FNDC7: variants seen among roughly 807,000 people sequenced by gnomAD.
FNDC7 encodes the protein fibronectin type III domain containing 7.
Under a neutral mutation model 74.2 loss-of-function variants are expected in FNDC7, and 66 were observed. The observed-to-expected ratio is 0.89, with a 90% CI of 0.73 to 1.09. FNDC7 has a LOEUF of 1.09. FNDC7 is among the 50% of genes least tolerant of loss of function. The pLI, the probability that FNDC7 is intolerant of heterozygous loss-of-function variation, is 0.00. For missense variants in FNDC7, 829 were observed against 893.4 expected, an observed-to-expected ratio of 0.93 and a Z score of 0.92; for synonymous variants, 307 against 330.2, an observed-to-expected ratio of 0.93 and a Z score of 0.76.
At chr1:108,731,345 A>G (rs1450966688) in intron 9 of FNDC7, among the ~76,000 whole-genome samples, 1 of 152,156 alleles carries the variant, frequency 6.6e-6, no homozygotes, top group African/African-American at 2.4e-5. Flanking sequence ...ATGGTTTCTT[A>G]TTTCAACAGG....
chr1:108,724,381 A>G (rs960947998), intron 5 of FNDC7, among the ~76,000 whole-genome samples: 2 of 151,920 alleles, frequency 1.3e-5, no homozygotes, highest in African/African-American at 4.8e-5. Flanking sequence ...TCTTAACTCT[A>G]TGCTTAAGAT....
At chr1:108,723,182 A>C (rs1398039426) in intron 5 of FNDC7, among the ~76,000 whole-genome samples, 1 of 152,212 alleles carries the variant, frequency 6.6e-6, no homozygotes, top group Non-Finnish European at 1.5e-5. Context: ...TGGCACTATA[A>C]GTATGTTATT....
At chr1:108,720,060 C>A (rs780445006) in intron 4 of FNDC7, among the ~76,000 whole-genome samples, 9 of 152,192 alleles carry the variant, frequency 5.9e-5, no homozygotes, top group Middle Eastern at 6.8e-3. Flanking sequence ...CATAGCCCTG[C>A]GGTGATTCAT....
intron 8 of FNDC7, among the ~76,000 whole-genome samples, chr1:108,729,955 A>G (rs1214645103): frequency 6.6e-6 from 1 of 152,264 alleles, no homozygotes; most frequent in Non-Finnish European, 1.5e-5. Flanking sequence ...CAGCTAAGAA[A>G]TCAAGCTTTT....
Position 108,717,716 on chromosome 1 carries a change from G to A in FNDC7, c.83-61G>A. ...AATGATTTAGCTTGAAGAGTAAAAT[G>A]ATGAAAGAAGTCATCCTCGTAGGTA... On this transcript the variant is annotated intron_variant, in intron 2 of 12. Transcript: ENST00000370017. 8.0e-6 allele frequency: 12 copies of A among 1,503,470 alleles called. No homozygotes were observed. The South Asian group carries it at 1.2e-4, about 15-fold the overall frequency. 93.1% of individuals were successfully genotyped at this position (1,503,470 alleles called of 1,614,324 possible).
intron 10 of FNDC7, among the ~76,000 whole-genome samples, chr1:108,735,259 C>G (rs1449136076): frequency 3.3e-5 from 5 of 152,220 alleles, no homozygotes; most frequent in African/African-American, 9.6e-5. Flanking sequence ...TGCTATGCCT[C>G]AGGCCCTCAC....
chr1:108,713,446 T>A lies in FNDC7; in HGVS notation c.64-65T>A, dbSNP rs373568405. 1.2e-5 allele frequency: 16 copies of A among 1,347,526 alleles called. No individual in the cohort carries two copies. In the African/African-American group the frequency reaches 1.9e-4, roughly 16 times the overall value. 83.5% of individuals were successfully genotyped at this position (1,347,526 alleles called of 1,614,324 possible). A position where few individuals can be genotyped will look rare whatever the true frequency, so the allele number is the denominator to read the frequency against. On this transcript the variant is annotated intron_variant, in intron 1 of 12. Coordinates refer to ENST00000370017, the MANE Select transcript of FNDC7 (RefSeq NM_001144937.3). Reference sequence around the variant, plus strand: ...ATTAATTTATTACCGCTTTTATTCATGTTTTACGTTTGTTCAAGTTGTGTT... The same window carrying A: ...ATTAATTTATTACCGCTTTTATTCAAGTTTTACGTTTGTTCAAGTTGTGTT...
intron 6 of FNDC7, among the ~76,000 whole-genome samples, chr1:108,727,374 G>A (rs1661242688): frequency 6.6e-6 from 1 of 152,014 alleles, no homozygotes; most frequent in African/African-American, 2.4e-5. Context: ...TTATATAACT[G>A]TGAGCCCTAC....
At chr1:108,736,712 A>G (rs1454400493) in intron 10 of FNDC7, among the ~76,000 whole-genome samples, 1 of 152,154 alleles carries the variant, frequency 6.6e-6, no homozygotes, top group Non-Finnish European at 1.5e-5. Flanking sequence ...TCAGCTTAGT[A>G]ACATTAGGTA....
intron 1 of FNDC7, 91 bp downstream of exon 1, chr1:108,713,087 GA>G (rs1369636931): frequency 3.5e-6 from 4 of 1,145,968 alleles, no homozygotes. Context: ...AGGAGTTGGG[GA>G]ATAGGGAGAT....
intron 10 of FNDC7, among the ~76,000 whole-genome samples, chr1:108,736,600 C>T (rs986536723): frequency 2.0e-5 from 3 of 152,142 alleles, no homozygotes; most frequent in Non-Finnish European, 2.9e-5. Context: ...ACAATTTCAC[C>T]CTTAGAGAGT....
intron 2 of FNDC7, among the ~76,000 whole-genome samples, chr1:108,714,605 ATT>A (rs71098692): frequency 2.0e-5 from 2 of 102,166 alleles, no homozygotes; most frequent in African/African-American, 7.2e-5. Context: ...ACAAAGTGGC[ATT>A]TTTTTTTTTT....
chr1:108,712,951 G>T lies in FNDC7; in HGVS notation c.18G>T (p.Glu6Asp), dbSNP rs749049367. 32 of 1,551,666 alleles carry T rather than the reference G, an allele frequency of 2.1e-5. No homozygotes were observed. The highest frequency in any genetic ancestry group is 2.7e-5 in the Non-Finnish European group (31 of 1,146,990). ...CCAACAGGATGGCTGGTGGACGAGAGACATGTTTGCCTTTGATTGGATTCA... is the reference window on the plus strand; with the variant it reads ...CCAACAGGATGGCTGGTGGACGAGATACATGTTTGCCTTTGATTGGATTCA... MAGGR[E>D]TCLPLIGFIL... is the part of the protein sequence containing the mutation. The change falls in exon 1 of 13, where the codon GAG becomes GAT. Residue 6 changes from glutamate to aspartate, a missense_variant. By Grantham distance (45) the Glu-to-Asp change is conservative. Transcript: ENST00000370017.
chr1:108,719,978 G>C (rs969076309), intron 4 of FNDC7, among the ~76,000 whole-genome samples: 1 of 152,262 alleles, frequency 6.6e-6, no homozygotes, highest in East Asian at 1.9e-4. Context: ...CATAGTGTAT[G>C]GGCCAAGGCA....
chr1:108,733,166 A>T, intron 9 of FNDC7, 106 bp from the exon 10 acceptor site: 1 of 1,359,656 alleles, frequency 7.4e-7, no homozygotes, highest in Non-Finnish European at 1.0e-6. Flanking sequence ...TAATCCTGTT[A>T]CTTAGACTAG....
rs1366708285 is a variant in FNDC7, at chr1:108,722,419, C to T, written c.683C>T (p.Ala228Val). 2.5e-6 allele frequency: 4 copies of T among 1,614,192 alleles called. No individual in the cohort carries two copies. Among genetic ancestry groups the T allele is most frequent in the Admixed American group, 1.7e-5 (1 of 60,026 alleles). ...TTTTCCTGGGCACGGGCAGAAGGAGCTTTCAATTATACTGTGATGGCTTTG... is the reference window on the plus strand; with the variant it reads ...TTTTCCTGGGCACGGGCAGAAGGAGTTTTCAATTATACTGTGATGGCTTTG... Reference protein sequence around the residue: ...ASFSWARAEGAFNYTVMALSD... With the variant: ...ASFSWARAEGVFNYTVMALSD... Residue 228 changes from alanine (A) to valine (V), a missense_variant, in exon 5 of 13, where the codon GCT (alanine) becomes GTT (valine). Coordinates refer to ENST00000370017, the MANE Select transcript of FNDC7 (RefSeq NM_001144937.3).
At chr1:108,737,390 G>A (rs776557177) in intron 10 of FNDC7, 105 bp from the exon 11 acceptor site, 11 of 1,034,890 alleles carry the variant, frequency 1.1e-5, no homozygotes, top group East Asian at 5.7e-5. Context: ...GTTCTTGTTC[G>A]TTTTTTGGTT....
chr1:108,721,021 C>G (rs562603301), intron 4 of FNDC7, among the ~76,000 whole-genome samples: 12 of 152,310 alleles, frequency 7.9e-5, no homozygotes, highest in African/African-American at 2.6e-4. Flanking sequence ...TGCAGGCTAC[C>G]CCTACCAGCC....
chr1:108,733,119 G>C (rs919259326), intron 9 of FNDC7, among the ~76,000 whole-genome samples, 153 bp from the exon 10 acceptor site: 1 of 151,974 alleles, frequency 6.6e-6, no homozygotes, highest in African/African-American at 2.4e-5. Flanking sequence ...AATAACTCGA[G>C]TACCCCTTCA....
Sources: allele counts gnomAD v4.1 joint callset (sites outside exome capture counted in the v4.1 genomes callset), GRCh38; gene constraint gnomAD v4.1.1; transcripts MANE v1.5; gene names NCBI Gene and HGNC (gene_info 2026-07-23, HGNC 2026-07-21).